ECE1: variants seen among roughly 807,000 people sequenced by gnomAD.
ECE1 encodes the protein endothelin-converting enzyme 1.
ECE1 carries 35 observed loss-of-function variants against 98.6 expected under a neutral mutation model. The ratio of observed to expected loss-of-function variants is 0.35; its 90% CI spans 0.27 to 0.47. The LOEUF (loss-of-function observed/expected upper bound fraction) is 0.47. Ranked by LOEUF, ECE1 falls within the 20% of genes least tolerant of loss-of-function variation. The pLI is 1.00. For missense variants in ECE1, 814 were observed against 1,025.3 expected (o/e 0.79, Z 2.81); for synonymous variants, 394 against 407.1 (o/e 0.97, Z 0.39).
chr1:21,262,843 G>A (rs1040094742), intron 4 of ECE1, among the ~76,000 whole-genome samples: 8 of 152,170 alleles, frequency 5.3e-5, no homozygotes, highest in Non-Finnish European at 5.9e-5. Context: ...TGGGTGCCAC[G>A]CTCACTTGCT....
chr1:21,264,997 A>G (rs1356044899), intron 4 of ECE1, among the ~76,000 whole-genome samples: 10 of 152,120 alleles, frequency 6.6e-5, no homozygotes, highest in Admixed American at 6.6e-4. Flanking sequence ...CTCTGGCCCC[A>G]TGCCCTACTT....
At chr1:21,267,498 C>G (rs532386027) in intron 4 of ECE1, among the ~76,000 whole-genome samples, 2 of 152,254 alleles carry the variant, frequency 1.3e-5, no homozygotes, top group South Asian at 4.1e-4. Flanking sequence ...TTCACTATCA[C>G]AAGAACAGCA....
chr1:21,291,064 G>A (rs569643214), upstream of ECE1, among the ~76,000 whole-genome samples: 3 of 152,262 alleles, frequency 2.0e-5, no homozygotes, highest in East Asian at 1.9e-4. Context: ...TGCTCCAGGG[G>A]GAGTCAGAAG....
intron 17 of ECE1, among the ~76,000 whole-genome samples, chr1:21,223,123 C>T (rs1485636632): frequency 2.6e-5 from 4 of 151,472 alleles, no homozygotes; most frequent in East Asian, 2.0e-4. Context: ...CACAGATGCA[C>T]GCCACCATGC....
At chr1:21,247,396 G>A (rs1322043357) in intron 8 of ECE1, 33 bp from the exon 9 acceptor site, 1 of 1,614,020 alleles carries the variant, frequency 6.2e-7, no homozygotes. Flanking sequence ...GACCCTGTGG[G>A]GCTGCTCCTC....
chr1:21,230,433 A>C (rs1391885142), intron 14 of ECE1, among the ~76,000 whole-genome samples: 1 of 152,078 alleles, frequency 6.6e-6, no homozygotes, highest in African/African-American at 2.4e-5. Flanking sequence ...CTGGAGGGCA[A>C]TTGGGGTGCA....
In ECE1 at chr1:21,228,076, A is replaced by G. The variant is rs375462949; in HGVS notation, c.1671-35T>C. ...ACACACATGCAGGAGGTCTCAGCACAGGGCGGGAGGCAGGTGGGGACAGCC... is the reference window on the plus strand; with the variant it reads ...ACACACATGCAGGAGGTCTCAGCACGGGGCGGGAGGCAGGTGGGGACAGCC... On this transcript the variant is annotated intron_variant, in intron 14 of 18. Transcript: ENST00000374893. The G allele has an allele frequency of 4.6e-6, 7 of 1,519,608 alleles. No homozygotes were observed. In the African/African-American group the frequency reaches 9.7e-5, roughly 21 times the overall value. 94.1% of individuals were successfully genotyped at this position (1,519,608 alleles called of 1,614,324 possible).
At chr1:21,232,077 T>C (rs1022145837) in intron 14 of ECE1, among the ~76,000 whole-genome samples, 2 of 152,346 alleles carry the variant, frequency 1.3e-5, no homozygotes, top group Non-Finnish European at 1.5e-5. Context: ...CCCACCTTCT[T>C]GTACATAGCG....
upstream of ECE1, among the ~76,000 whole-genome samples, chr1:21,292,234 T>A (rs1415316580): frequency 6.6e-6 from 1 of 152,062 alleles, no homozygotes; most frequent in African/African-American, 2.4e-5. Context: ...TGGAATGAAA[T>A]CCAAACCCTT....
At chr1:21,243,559 C>A (rs111801022) in intron 10 of ECE1, among the ~76,000 whole-genome samples, 11 of 152,318 alleles carry the variant, frequency 7.2e-5, no homozygotes, top group African/African-American at 2.4e-4. Context: ...AGTCCCTTCA[C>A]CTCCCTGAGC....
chr1:21,232,752 A>G (rs1157655675), intron 14 of ECE1, among the ~76,000 whole-genome samples: 1 of 149,988 alleles, frequency 6.7e-6, no homozygotes, highest in Admixed American at 6.6e-5. Context: ...GCTCACTGCA[A>G]CCTCCGCCTC....
intron 4 of ECE1, among the ~76,000 whole-genome samples, chr1:21,268,735 C>T (rs1251906959): frequency 6.6e-6 from 1 of 152,230 alleles, no homozygotes; most frequent in Non-Finnish European, 1.5e-5. Context: ...CTTCCGACGC[C>T]TGTTGGCTGA....
intron 10 of ECE1, among the ~76,000 whole-genome samples, chr1:21,240,440 T>C (rs1428040097): frequency 3.9e-5 from 6 of 152,050 alleles, no homozygotes; most frequent in African/African-American, 1.4e-4. Flanking sequence ...TGAGCTGAGA[T>C]CATACCACAG....
At chr1:21,224,776 A>G (rs1455857127) in intron 17 of ECE1, among the ~76,000 whole-genome samples, 2 of 152,188 alleles carry the variant, frequency 1.3e-5, no homozygotes, top group Non-Finnish European at 2.9e-5. Context: ...CAACAACCCA[A>G]TAATGCAGGT....
At position 21,233,930 on chromosome 1, in the gene ECE1, T is replaced by C. The variant is rs1274137147; in HGVS notation, c.1567-269A>G. ...TGTCCAATAGAACCTCCTGCGATGATGGATGTTCTGTGCTCTATGCCTGCG... is the reference window on the plus strand; with the variant it reads ...TGTCCAATAGAACCTCCTGCGATGACGGATGTTCTGTGCTCTATGCCTGCG... On this transcript the variant is annotated intron_variant, in intron 13 of 18. Coordinates refer to ENST00000374893, the MANE Select transcript of ECE1 (RefSeq NM_001397.3). This position sits in a 1 kb window ranked among gnomAD's most constrained non-coding sequence, Gnocchi z 4.0. 6.6e-6 allele frequency among the ~76,000 whole-genome samples: 1 copy of C among 152,082 alleles called. No homozygotes were observed. Among genetic ancestry groups the C allele is most frequent in the African/African-American group, 2.4e-5 (1 of 41,408 alleles).
intron 2 of ECE1, among the ~76,000 whole-genome samples, chr1:21,284,283 G>T (rs1299195519): frequency 6.6e-6 from 1 of 152,198 alleles, no homozygotes; most frequent in Non-Finnish European, 1.5e-5. Context: ...CAGCTTGGAG[G>T]GTAGGAGGAT....
rs781600607 is a variant in ECE1, at chr1:21,220,150, G to A, written c.2137-19C>T. On this transcript the variant is annotated intron_variant, in intron 18 of 18. Coordinates refer to ENST00000374893, the MANE Select transcript of ECE1 (RefSeq NM_001397.3). This position sits in a 1 kb window ranked among gnomAD's most constrained non-coding sequence, Gnocchi z 5.0. ...ACCAGACCTTTGAAGGGGCAACAGG[G>A]AGAGGCCAGGGTCACTGTGGGGCCC... 1.9e-6 allele frequency: 3 copies of A among 1,602,680 alleles called. No homozygotes were observed. Among genetic ancestry groups the A allele is most frequent in the Non-Finnish European group, 1.7e-6 (2 of 1,172,600 alleles).
At position 21,258,706 on chromosome 1, in the gene ECE1, C is replaced by T; in HGVS notation, c.749G>A (p.Ser250Asn). ...YVSADSKNSN[S>N]NVIQVDQSGL... ...AAGCTAGCTCACCTGGATCACGTTG[C>T]TGTTGGAGTTCTTGGAATCGGCACT... The change falls in exon 6 of 19, where the codon AGC (serine) becomes AAC (asparagine). Residue 250 changes from serine (S) to asparagine (N), a missense_variant. By Grantham distance (46) the Ser-to-Asn change is conservative. Coordinates refer to ENST00000374893, the MANE Select transcript of ECE1 (RefSeq NM_001397.3). The surrounding 1 kb of genome is among the most constrained non-coding windows in gnomAD (Gnocchi z 4.2). The T allele has an allele frequency of 1.2e-6, 2 of 1,612,266 alleles. No homozygotes were observed. Among genetic ancestry groups the T allele is most frequent in the Non-Finnish European group, 1.7e-6 (2 of 1,178,974 alleles).
rs1261503215 is a variant in ECE1 at position 21,228,009 on chromosome 1, T to C, written c.1703A>G (p.Tyr568Cys). The C allele has an allele frequency of 1.9e-6, 3 of 1,564,972 alleles. No individual in the cohort carries two copies. The highest frequency in any genetic ancestry group is 2.6e-6 in the Non-Finnish European group (3 of 1,153,962). The change falls in exon 15 of 19, where the codon TAC (tyrosine) becomes TGC (cysteine). Residue 568 changes from tyrosine (Y) to cysteine (C), a missense_variant. By Grantham distance (194) the Tyr-to-Cys change is radical (BLOSUM62 -2). Coordinates refer to ENST00000374893, the MANE Select transcript of ECE1 (RefSeq NM_001397.3). The stretch of plus-strand genomic sequence containing the variant: ...AATCTCATTCTTGGTGGGCGAGTAG[T>C]AGGCGTTCACCATGGGCGGGGTCAT... Reference protein sequence around the residue: ...WSMTPPMVNAYYSPTKNEIVF... With the variant: ...WSMTPPMVNACYSPTKNEIVF...
Sources: allele counts gnomAD v4.1 joint callset (sites outside exome capture counted in the v4.1 genomes callset), GRCh38; gene constraint gnomAD v4.1.1; non-coding constraint Gnocchi (gnomAD v3.1); transcripts MANE v1.5; gene names NCBI Gene and HGNC (gene_info 2026-07-23, HGNC 2026-07-21).